EIF2AK2: variants seen among roughly 807,000 people sequenced by gnomAD.
EIF2AK2 encodes interferon-induced, double-stranded RNA-activated protein kinase.
In EIF2AK2, 40 loss-of-function variants were observed where a neutral mutation model predicts 70.5. The ratio of observed to expected loss-of-function variants is 0.57; its 90% CI spans 0.44 to 0.74. The LOEUF is 0.74. Among genes scored for constraint, EIF2AK2 ranks in the 30% least tolerant of loss-of-function variants. EIF2AK2 has a pLI of 0.00. For missense variants in EIF2AK2, 555 were observed against 644.3 expected, an observed-to-expected ratio of 0.86 and a Z score of 1.50; for synonymous variants, 198 against 220.9, an observed-to-expected ratio of 0.90 and a Z score of 0.92.
rs995959959 is a variant in EIF2AK2, at chr2:37,126,187, G to T, written c.908+102C>A. On this transcript the variant is annotated intron_variant, in intron 11 of 16. Transcript: ENST00000233057. The stretch of plus-strand genomic sequence containing the variant: ...TGAAATGTTTAATGAGGATCAGAAA[G>T]AAATAAATGATACCCTAATAAAGAA... 5.7e-6 allele frequency: 8 copies of T among 1,411,524 alleles called. No homozygotes were observed. The East Asian group carries it at 1.2e-4, about 21-fold the overall frequency. The allele number at this position is 1,411,524 out of a possible 1,614,324, so 87.4% of individuals were successfully genotyped here.
Position 37,114,745 on chromosome 2 carries a change from T to A in EIF2AK2, c.1363A>T (p.Met455Leu). The change falls in exon 14 of 17, where the codon ATG (methionine) becomes TTG (leucine). Residue 455 changes from methionine to leucine, a missense_variant. Physicochemically the swap from Met to Leu is conservative, Grantham distance 15. Coordinates refer to ENST00000233057, the MANE Select transcript of EIF2AK2 (RefSeq NM_001135651.3). ...RTRSKGTLRY[M>L]SPEQISSQDY... is the part of the protein sequence containing the mutation. ...AGAGACCTTACCTGTTCTGGGCTCA[T>A]GTATCGCAAAGTTCCCTTACTCCTT... 1 of 1,590,562 alleles carries A rather than the reference T, an allele frequency of 6.3e-7. No homozygotes were observed. Among genetic ancestry groups the A allele is most frequent in the Non-Finnish European group, 8.5e-7 (1 of 1,170,750 alleles).
intron 14 of EIF2AK2, 68 bp from the exon 15 acceptor site, chr2:37,109,363 A>C: frequency 7.1e-7 from 1 of 1,417,154 alleles, no homozygotes; most frequent in Non-Finnish European, 9.7e-7. Flanking sequence ...TCTAAAGCCC[A>C]AAAAAGTTAT....
intron 14 of EIF2AK2, among the ~76,000 whole-genome samples, chr2:37,113,495 T>A (rs1674228216): frequency 1.4e-5 from 1 of 70,416 alleles, no homozygotes; most frequent in Non-Finnish European, 2.6e-5. Context: ...CAAAACTCCA[T>A]CTCAAAAAAA....
At position 37,102,008 on chromosome 2, in the gene EIF2AK2, G is replaced by C. The variant is rs182415052; in HGVS notation, c.*5265C>G. 1 of 152,328 alleles carries C rather than the reference G, an allele frequency of 6.6e-6. No individual in the cohort carries two copies. Among genetic ancestry groups the C allele is most frequent in the African/African-American group, 2.4e-5 (1 of 41,552 alleles). The allele number at this position is 152,328 out of a possible 1,614,324, so 9.4% of individuals were successfully genotyped here. On this transcript the variant is annotated 3_prime_UTR_variant, in exon 17 of 17. Coordinates refer to ENST00000233057, the MANE Select transcript of EIF2AK2 (RefSeq NM_001135651.3). The stretch of plus-strand genomic sequence containing the variant: ...TAATCCCAGCAGTTTGGAAGACCAA[G>C]GCAGGAGAATCTCTCAAGGCCAGGA...
At position 37,109,241 on chromosome 2, in the gene EIF2AK2, G is replaced by A. The variant is rs1431636785; in HGVS notation, c.1432C>T (p.Leu478Phe). The change falls in exon 15 of 17, where the codon CTT becomes TTT. Residue 478 changes from leucine (L) to phenylalanine (F), a missense_variant. Around this residue, in one of 3 missense-constraint regions of EIF2AK2, gnomAD observed 299 missense variants for 375.4 expected, o/e 0.80. Coordinates refer to ENST00000233057, the MANE Select transcript of EIF2AK2 (RefSeq NM_001135651.3). ...EVDLYALGLI[L>F]AELLHVCDTA... ...TCACATACATGAAGAAGTTCAGCAA[G>A]AATTAGCCCCAAAGCGTAGAGGTCC... The A allele has an allele frequency of 4.3e-6, 7 of 1,614,038 alleles. No homozygotes were observed. The highest frequency in any genetic ancestry group is 1.3e-5 in the African/African-American group (1 of 74,922).
intron 13 of EIF2AK2, among the ~76,000 whole-genome samples, chr2:37,115,958 A>G (rs1481632575): frequency 1.3e-5 from 2 of 151,934 alleles, no homozygotes; most frequent in East Asian, 3.9e-4. Flanking sequence ...GTGTAGTGGC[A>G]TGATCTCGGC....
chr2:37,109,543 A>G (rs780849661), intron 14 of EIF2AK2: 7 of 385,438 alleles, frequency 1.8e-5, no homozygotes, highest in Non-Finnish European at 3.3e-5. Context: ...AACAGTATCA[A>G]CCACAGAGTT....
At chr2:37,149,895 C>T (rs1675683246) in intron 1 of EIF2AK2, among the ~76,000 whole-genome samples, 1 of 152,130 alleles carries the variant, frequency 6.6e-6, no homozygotes, top group South Asian at 2.1e-4. Flanking sequence ...CTCCACCTGA[C>T]ATTTTATAGA....
At chr2:37,121,262 CAAAAAAAA>C (rs70949733) in intron 12 of EIF2AK2, among the ~76,000 whole-genome samples, 1 of 72,728 alleles carries the variant, frequency 1.4e-5, no homozygotes, top group Admixed American at 2.3e-4. Flanking sequence ...GACACCGTCT[CAAAAAAAA>C]AAAAAAAAAA....
chr2:37,132,341 C>T (rs957714093), intron 10 of EIF2AK2, among the ~76,000 whole-genome samples: 1 of 152,200 alleles, frequency 6.6e-6, no homozygotes, highest in African/African-American at 2.4e-5. Flanking sequence ...CCTGTAATCC[C>T]AACACTTTGG....
intron 6 of EIF2AK2, among the ~76,000 whole-genome samples, chr2:37,139,202 C>A (rs1675236345): frequency 6.6e-6 from 1 of 151,462 alleles, no homozygotes; most frequent in South Asian, 2.1e-4. Context: ...GTAGTCCCAG[C>A]TACTCAGTAG....
At chr2:37,109,021 GTGTT>G (rs528309184) in intron 15 of EIF2AK2, among the ~76,000 whole-genome samples, 169 bp downstream of exon 15, 5 of 152,144 alleles carry the variant, frequency 3.3e-5, no homozygotes, top group Non-Finnish European at 7.3e-5. Context: ...CTTTAAGAAA[GTGTT>G]TGGTCTCTGC....
chr2:37,123,976 C>CATTTTTTTTT (rs1674644462), intron 11 of EIF2AK2, among the ~76,000 whole-genome samples: 1 of 150,832 alleles, frequency 6.6e-6, no homozygotes, highest in African/African-American at 2.5e-5. Context: ...TTAGATTCTT[C>CATTTTTTTTT]CTTTTTTTTT....
chr2:37,119,555 AG>A (rs1674461155), intron 13 of EIF2AK2, among the ~76,000 whole-genome samples: 1 of 151,906 alleles, frequency 6.6e-6, no homozygotes, highest in Admixed American at 6.6e-5. Context: ...CTAAAACTAG[AG>A]AAAAAAATAT....
intron 14 of EIF2AK2, 56 bp downstream of exon 14, chr2:37,114,675 T>C: frequency 1.4e-6 from 2 of 1,434,514 alleles, no homozygotes; most frequent in South Asian, 1.7e-5. Context: ...TCTACTCTTT[T>C]TATAATTTTC....
intron 2 of EIF2AK2, chr2:37,148,564 T>G (rs1054236820): frequency 1.3e-6 from 1 of 767,746 alleles, no homozygotes; most frequent in Non-Finnish European, 2.3e-6. Context: ...AGCTTCGTAC[T>G]ACAAATGAGT....
chr2:37,135,399 G>T, intron 10 of EIF2AK2, 85 bp downstream of exon 10: 2 of 1,072,868 alleles, frequency 1.9e-6, no homozygotes, highest in Non-Finnish European at 1.4e-6. Flanking sequence ...TAACTGACAG[G>T]ATCATGGCCA....
At position 37,154,218 on chromosome 2, in the gene EIF2AK2, G is replaced by A. The variant is rs547098648; in HGVS notation, c.-184+2690C>T. On this transcript the variant is annotated intron_variant, in intron 1 of 16. Transcript: ENST00000233057. ...CACATGCCTGTAATCCCAGCTACTC[G>A]GGATGCTGAGGAAGGAGAATCGCTT... 2.4e-3 allele frequency among the ~76,000 whole-genome samples: 364 copies of A among 152,084 alleles called. 1 individual carries two copies. Among genetic ancestry groups the A allele is most frequent in the African/African-American group, 8.2e-3 (341 of 41,492 alleles).
chr2:37,121,262 C>CAATAAA (rs1674538446), intron 12 of EIF2AK2, among the ~76,000 whole-genome samples: 1 of 72,728 alleles, frequency 1.4e-5, no homozygotes, highest in Non-Finnish European at 2.3e-5. Context: ...GACACCGTCT[C>CAATAAA]AAAAAAAAAA....
Sources: gnomAD v4.1 joint callset for allele counts (sites outside exome capture counted in the v4.1 genomes callset) on GRCh38, gnomAD v4.1.1 for gene constraint, gnomAD v4.1.1 regional missense constraint, MANE v1.5 for transcripts, NCBI Gene and HGNC (gene_info 2026-07-23, HGNC 2026-07-21) for gene names.